The following FAT3 variants were observed in gnomAD, a reference collection of about 807,000 sequenced individuals.
The protein encoded by FAT3 is FAT atypical cadherin 3, also known as protocadherin Fat 3.
In FAT3, 95 loss-of-function variants were observed where a neutral mutation model predicts 310.2. That is an observed-to-expected ratio of 0.31 (90% CI 0.26 to 0.36). FAT3 has a LOEUF of 0.36. FAT3 is among the 10% of genes least tolerant of loss of function. FAT3 has a pLI of 1.00. For synonymous variants in FAT3, 2,314 were observed against 2,192.9 expected (o/e 1.06, Z -1.54); for missense variants, 5,408 against 5,715.6 (o/e 0.95, Z 1.74).
chr11:92,786,349 A>G (rs1002542959), intron 7 of FAT3, among the ~76,000 whole-genome samples: 3 of 152,186 alleles, frequency 2.0e-5, no homozygotes, highest in Non-Finnish European at 4.4e-5. Flanking sequence ...ATAAAAATAC[A>G]TGACAAAATT....
chr11:92,534,279 G>T (rs11019986), intron 3 of FAT3, among the ~76,000 whole-genome samples: 16 of 152,248 alleles, frequency 1.1e-4, no homozygotes, highest in African/African-American at 2.6e-4. Context: ...ACAGTCCTGG[G>T]GGGGGAGGGG....
intron 25 of FAT3, among the ~76,000 whole-genome samples, chr11:92,888,121 T>A (rs915227093): frequency 7.9e-5 from 12 of 152,178 alleles, no homozygotes; most frequent in African/African-American, 2.9e-4. Context: ...GAAGCAATCA[T>A]GGAAGTAAAA....
intron 2 of FAT3, among the ~76,000 whole-genome samples, chr11:92,414,331 A>T (rs1478084076): frequency 6.6e-6 from 1 of 152,182 alleles, no homozygotes; most frequent in Non-Finnish European, 1.5e-5. Context: ...AGAACAATTG[A>T]CAGTTTGATG....
Position 92,797,985 on chromosome 11 carries a change from C to T in FAT3, c.4972C>T (p.Arg1658Cys), listed in dbSNP as rs201013393. 80 of 1,613,768 alleles carry T rather than the reference C, an allele frequency of 5.0e-5. No individual in the cohort carries two copies. The highest frequency in any genetic ancestry group is 8.0e-5 in the African/African-American group (6 of 74,910). The change falls in exon 10 of 28, where the codon CGC becomes TGC. Residue 1658 changes from arginine to cysteine, a missense_variant. Coordinates refer to ENST00000525166, the MANE Select transcript of FAT3 (RefSeq NM_001367949.2). ...SPPMSATAIVRISVTMSDNSH... is the reference protein window; with the variant it reads ...SPPMSATAIVCISVTMSDNSH... ...GCCAATGTCTGCTACTGCAATTGTG[C>T]GCATTTCCGTCACCATGTCTGACAA...
chr11:92,649,629 T>A (rs1942295525), intron 3 of FAT3, among the ~76,000 whole-genome samples: 1 of 152,060 alleles, frequency 6.6e-6, no homozygotes, highest in South Asian at 2.1e-4. Flanking sequence ...AGCGCTTTGT[T>A]AGCCAGACCC....
chr11:92,661,923 G>C (rs1942797091), intron 3 of FAT3, among the ~76,000 whole-genome samples: 2 of 152,074 alleles, frequency 1.3e-5, no homozygotes, highest in African/African-American at 4.8e-5. Context: ...TCAAGCAGAT[G>C]TAAGATGCAT....
chr11:92,872,341 T>G (rs980212971), intron 22 of FAT3, among the ~76,000 whole-genome samples: 1 of 152,234 alleles, frequency 6.6e-6, no homozygotes, highest in Non-Finnish European at 1.5e-5. Context: ...GTGGCCTCCC[T>G]CTCCTCACAG....
At chr11:92,890,342 C>A in intron 27 of FAT3, 149 bp from the exon 28 acceptor site, 2 of 944,706 alleles carry the variant, frequency 2.1e-6, no homozygotes, top group African/African-American at 1.7e-5. Context: ...CAGGCCAAAG[C>A]ATGGCTGGCC....
intron 2 of FAT3, among the ~76,000 whole-genome samples, chr11:92,487,151 T>G (rs1380364760): frequency 2.0e-5 from 3 of 152,162 alleles, no homozygotes; most frequent in Non-Finnish European, 4.4e-5. Flanking sequence ...TGTAGCTTGG[T>G]TTAATCTGTT....
Position 92,284,365 on chromosome 11 carries a change from G to A in FAT3, c.-18+59191G>A, listed in dbSNP as rs193034114. ...TAAATTATGTCAGTAAAAGGCTTGG[G>A]ATCTGATATGAGTATTGCAAAGGAG... On this transcript the variant is annotated intron_variant, in intron 1 of 27. Transcript: ENST00000525166. Among the ~76,000 whole-genome samples the A allele has an allele frequency of 3.7e-4, 56 of 152,058 alleles. No individual in the cohort carries two copies. In the East Asian group the frequency reaches 0.011, roughly 29 times the overall value.
At chr11:92,466,560 T>C (rs1002308372) in intron 2 of FAT3, among the ~76,000 whole-genome samples, 1 of 151,758 alleles carries the variant, frequency 6.6e-6, no homozygotes, top group African/African-American at 2.4e-5. Flanking sequence ...CATATCTTTT[T>C]TTTTTAAATT....
intron 3 of FAT3, among the ~76,000 whole-genome samples, chr11:92,696,380 C>A (rs1205497076): frequency 6.6e-6 from 1 of 152,110 alleles, no homozygotes; most frequent in Non-Finnish European, 1.5e-5. Context: ...TCTTGGCTTT[C>A]TCTAAAATCT....
rs76792948 is a variant in FAT3 at position 92,475,282 on chromosome 11, C to T, written c.3293-49352C>T. ...CTGTTTTTAATGATCTCTTCCAAGA[C>T]ATGTTTCTTATCTCCTGGCAGAGAA... On this transcript the variant is annotated intron_variant, in intron 2 of 27. Transcript: ENST00000525166. 1.0e-2 allele frequency among the ~76,000 whole-genome samples: 1,518 copies of T among 152,246 alleles called. 30 individuals are homozygous for T. The highest frequency in any genetic ancestry group is 0.034 in the African/African-American group (1,422 of 41,550).
At chr11:92,855,949 C>CAAAG in intron 19 of FAT3, among the ~76,000 whole-genome samples, 1 of 145,610 alleles carries the variant, frequency 6.9e-6, no homozygotes, top group African/African-American at 2.5e-5. Flanking sequence ...TTCTTCTGCA[C>CAAAG]AAAGAAATGA....
At chr11:92,413,388 C>G (rs1303795309) in intron 2 of FAT3, among the ~76,000 whole-genome samples, 1 of 152,116 alleles carries the variant, frequency 6.6e-6, no homozygotes, top group Non-Finnish European at 1.5e-5. Context: ...TTATTATTTA[C>G]ATGTTGAGTA....
intron 2 of FAT3, among the ~76,000 whole-genome samples, chr11:92,408,975 A>G (rs1248568144): frequency 1.3e-5 from 2 of 152,220 alleles, no homozygotes; most frequent in Non-Finnish European, 2.9e-5. Context: ...AATTATGTCC[A>G]TATTTAAATA....
In FAT3 at chr11:92,894,213, A is replaced by T. The variant is rs113525116; in HGVS notation, c.*3100A>T. Reference sequence around the variant, plus strand: ...GGGAGAGGGGTTATAGAATTCATACATTTCTGTAGACATTCATCGAAATGC... The same window carrying T: ...GGGAGAGGGGTTATAGAATTCATACTTTTCTGTAGACATTCATCGAAATGC... On this transcript the variant is annotated 3_prime_UTR_variant, in exon 28 of 28. Transcript: ENST00000525166. 128 of 152,348 alleles carry T rather than the reference A, an allele frequency of 8.4e-4. No individual in the cohort carries two copies. Among genetic ancestry groups the T allele is most frequent in the African/African-American group, 3.0e-3 (126 of 41,592 alleles). The allele number at this position is 152,348 out of a possible 1,614,324, so 9.4% of individuals were successfully genotyped here.
At chr11:92,658,538 A>G (rs997675684) in intron 3 of FAT3, among the ~76,000 whole-genome samples, 7 of 152,146 alleles carry the variant, frequency 4.6e-5, no homozygotes, top group Admixed American at 2.6e-4. Context: ...AGGAGGCTGG[A>G]CTGAATGACC....
intron 4 of FAT3, among the ~76,000 whole-genome samples, chr11:92,717,488 T>C (rs1420363594): frequency 6.6e-6 from 1 of 152,204 alleles, no homozygotes; most frequent in Admixed American, 6.5e-5. Flanking sequence ...AATTATGTTA[T>C]TAAACTGTCA....
Sources: gnomAD v4.1 joint callset for allele counts (sites outside exome capture counted in the v4.1 genomes callset) on GRCh38, gnomAD v4.1.1 for gene constraint, MANE v1.5 for transcripts, NCBI Gene and HGNC (gene_info 2026-07-23, HGNC 2026-07-21) for gene names.